NIPAL2: variants seen among roughly 807,000 people sequenced by gnomAD.
NIPAL2 encodes NIPA like domain containing 2.
A neutral mutation model predicts 48.9 loss-of-function variants in NIPAL2; 43 were observed. That is an observed-to-expected ratio of 0.88 (90% CI 0.69 to 1.13). The LOEUF (loss-of-function observed/expected upper bound fraction) is 1.13, where lower values mean the gene tolerates loss of function less well. NIPAL2 is among the 50% of genes most tolerant of loss of function. NIPAL2 has a pLI of 0.00. For missense variants in NIPAL2, 446 were observed against 461.4 expected (o/e 0.97, Z 0.31); for synonymous variants, 167 against 174.6 (o/e 0.96, Z 0.34).
At chr8:98,215,952 G>C (rs1811555313) in intron 5 of NIPAL2, among the ~76,000 whole-genome samples, 1 of 152,222 alleles carries the variant, frequency 6.6e-6, no homozygotes, top group African/African-American at 2.4e-5. Context: ...GGCAGCTGAA[G>C]GGGTGTGTGG....
In NIPAL2 at chr8:98,266,045, C is replaced by T. The variant is rs1325691871; in HGVS notation, c.136-11958G>A. ...ACTATCGCAAGAACAAAAAACCAAA[C>T]ACCGCATATTCTCACTCATAGGTGG... On this transcript the variant is annotated intron_variant, in intron 1 of 10. Transcript: ENST00000430223. Among the ~76,000 whole-genome samples, 4 of 147,686 alleles carry T rather than the reference C, an allele frequency of 2.7e-5. No individual in the cohort carries two copies. The East Asian group carries it at 8.1e-4, about 30-fold the overall frequency.
chr8:98,267,897 C>A (rs1814872022), intron 1 of NIPAL2, among the ~76,000 whole-genome samples: 1 of 152,126 alleles, frequency 6.6e-6, no homozygotes, highest in Non-Finnish European at 1.5e-5. Context: ...TAAAATTAGC[C>A]ATATACACAT....
intron 4 of NIPAL2, among the ~76,000 whole-genome samples, chr8:98,224,588 T>C (rs1334592770): frequency 6.6e-6 from 1 of 152,142 alleles, no homozygotes; most frequent in Non-Finnish European, 1.5e-5. Flanking sequence ...CTTCCATGAC[T>C]GTCCCTATCA....
At chr8:98,259,590 CA>C (rs1814166375) in intron 1 of NIPAL2, among the ~76,000 whole-genome samples, 1 of 152,204 alleles carries the variant, frequency 6.6e-6, no homozygotes, top group African/African-American at 2.4e-5. Flanking sequence ...TTAGGAAAAA[CA>C]GTCTATTTCC....
At chr8:98,293,912 G>T in intron 1 of NIPAL2, 91 bp downstream of exon 1, 2 of 1,191,854 alleles carry the variant, frequency 1.7e-6, no homozygotes, top group Non-Finnish European at 2.2e-6. Context: ...CTGAGAGCTG[G>T]CAGGAAAGCG....
At chr8:98,289,256 T>G (rs61417642) in intron 1 of NIPAL2, among the ~76,000 whole-genome samples, 12,357 of 152,214 alleles carry the variant, frequency 0.081, 1,300 homozygotes, top group African/African-American at 0.24. Flanking sequence ...TATGCTGTAA[T>G]CTGGCAGTTT....
At position 98,197,072 on chromosome 8, in the gene NIPAL2, C is replaced by A. The variant is rs1346925843; in HGVS notation, c.881-1067G>T. 2.0e-5 allele frequency among the ~76,000 whole-genome samples: 3 copies of A among 149,224 alleles called. No individual in the cohort carries two copies. In the Admixed American group the frequency reaches 2.0e-4, roughly 10 times the overall value. ...AGGGCATTTCAAGTTGGTTCTACAT[C>A]TTTTTTCTCTTTTTTTTTTTTCAAT... On this transcript the variant is annotated intron_variant, in intron 8 of 10. Coordinates refer to ENST00000430223, the MANE Select transcript of NIPAL2 (RefSeq NM_001321635.2).
chr8:98,268,325 C>G (rs1814900106), intron 1 of NIPAL2, among the ~76,000 whole-genome samples: 1 of 151,666 alleles, frequency 6.6e-6, no homozygotes, highest in Non-Finnish European at 1.5e-5. Context: ...ACCACGAGTT[C>G]AAAGTAGGGT....
At chr8:98,242,059 A>T (rs1465232582) in intron 3 of NIPAL2, among the ~76,000 whole-genome samples, 1 of 152,254 alleles carries the variant, frequency 6.6e-6, no homozygotes, top group Non-Finnish European at 1.5e-5. Flanking sequence ...TGTACCATTG[A>T]TAATATACCA....
At chr8:98,284,399 T>TTC (rs72278053) in intron 1 of NIPAL2, among the ~76,000 whole-genome samples, 19 of 117,318 alleles carry the variant, frequency 1.6e-4, no homozygotes, top group African/African-American at 4.1e-4. Flanking sequence ...TTCTAAGGCA[T>TTC]TCTCTCTCTC....
At chr8:98,208,640 G>A (rs1811156916) in intron 6 of NIPAL2, among the ~76,000 whole-genome samples, 1 of 152,006 alleles carries the variant, frequency 6.6e-6, no homozygotes, top group African/African-American at 2.4e-5. Flanking sequence ...GTAGAGCTGG[G>A]GTTTCACCAT....
Position 98,193,732 on chromosome 8 carries a change from G to A in NIPAL2, c.1040-642C>T, listed in dbSNP as rs189756738. On this transcript the variant is annotated intron_variant, in intron 10 of 10. Coordinates refer to ENST00000430223, the MANE Select transcript of NIPAL2 (RefSeq NM_001321635.2). ...ACACGAGAATCACTTGAACCCGGGA[G>A]GGGGAGGCTGCAGTAAGCTGAGATT... is the stretch of plus-strand genomic sequence containing the variant. 2.4e-3 allele frequency among the ~76,000 whole-genome samples: 360 copies of A among 152,024 alleles called. 1 individual carries two copies. Among genetic ancestry groups the A allele is most frequent in the African/African-American group, 8.4e-3 (347 of 41,448 alleles).
intron 1 of NIPAL2, among the ~76,000 whole-genome samples, chr8:98,280,151 C>T (rs1224629856): frequency 6.6e-6 from 1 of 152,130 alleles, no homozygotes; most frequent in Non-Finnish European, 1.5e-5. Context: ...TATGGTAATA[C>T]AGGGGTGTGT....
chr8:98,258,356 C>A (rs1814034325), intron 1 of NIPAL2, among the ~76,000 whole-genome samples: 1 of 152,140 alleles, frequency 6.6e-6, no homozygotes, highest in Non-Finnish European at 1.5e-5. Flanking sequence ...GAAGTGTACA[C>A]TTACAAATGG....
chr8:98,291,099 T>G (rs551559555), intron 1 of NIPAL2, among the ~76,000 whole-genome samples: 1 of 152,188 alleles, frequency 6.6e-6, no homozygotes, highest in East Asian at 1.9e-4. Context: ...ATTCCTGCAC[T>G]CCTGCTCAAA....
chr8:98,244,217 G>A (rs1813144830), intron 3 of NIPAL2, among the ~76,000 whole-genome samples: 1 of 148,948 alleles, frequency 6.7e-6, no homozygotes, highest in Non-Finnish European at 1.5e-5. Flanking sequence ...AAAAAAATGA[G>A]GGGGGTGTGG....
intron 6 of NIPAL2, among the ~76,000 whole-genome samples, chr8:98,209,450 A>C (rs1208508991): frequency 2.2e-4 from 33 of 149,566 alleles, no homozygotes; most frequent in Non-Finnish European, 3.6e-4. Flanking sequence ...CTCTCCAAAA[A>C]AAAAAAAAAA....
chr8:98,207,814 C>T (rs1475059113), intron 6 of NIPAL2, among the ~76,000 whole-genome samples: 1 of 152,116 alleles, frequency 6.6e-6, no homozygotes, highest in Non-Finnish European at 1.5e-5. Context: ...CAAGTATATA[C>T]CACTTAGGAA....
intron 1 of NIPAL2, among the ~76,000 whole-genome samples, chr8:98,275,832 T>A (rs1483955397): frequency 6.6e-6 from 1 of 152,242 alleles, no homozygotes; most frequent in Non-Finnish European, 1.5e-5. Flanking sequence ...TTGTTTTAAC[T>A]ACAATCTTTC....
Sources: gnomAD v4.1 joint callset for allele counts (sites outside exome capture counted in the v4.1 genomes callset) on GRCh38, gnomAD v4.1.1 for gene constraint, MANE v1.5 for transcripts, NCBI Gene and HGNC (gene_info 2026-07-23, HGNC 2026-07-21) for gene names.